The following FGGY variants were observed in gnomAD, a reference collection of about 807,000 sequenced individuals.
FGGY encodes the protein FGGY carbohydrate kinase domain-containing protein.
A neutral mutation model predicts 71.3 loss-of-function variants in FGGY; 72 were observed. The ratio of observed to expected loss-of-function variants is 1.01; its 90% CI spans 0.84 to 1.23. The LOEUF (loss-of-function observed/expected upper bound fraction) is 1.23. Among genes scored for constraint, FGGY ranks in the 50% most tolerant of loss-of-function variants. FGGY has a pLI of 0.00. For missense variants in FGGY, 668 were observed against 682.3 expected, an observed-to-expected ratio of 0.98 and a Z score of 0.23; for synonymous variants, 251 against 250.3, an observed-to-expected ratio of 1.00 and a Z score of -0.02.
At chr1:59,744,685 A>T (rs2098180171) in intron 14 of FGGY, among the ~76,000 whole-genome samples, 1 of 152,250 alleles carries the variant, frequency 6.6e-6, no homozygotes, top group Non-Finnish European at 1.5e-5. Context: ...CTTTATACAG[A>T]TATCCTGGAT....
intron 13 of FGGY, among the ~76,000 whole-genome samples, chr1:59,668,843 T>C (rs1467873294): frequency 6.6e-6 from 1 of 151,240 alleles, no homozygotes. Flanking sequence ...AAAAAAAAAT[T>C]AGCCAGGCGT....
chr1:59,313,952 C>T (rs534279798), intron 1 of FGGY, among the ~76,000 whole-genome samples: 17 of 152,016 alleles, frequency 1.1e-4, no homozygotes, highest in African/African-American at 1.9e-4. Flanking sequence ...CAAAAACCTA[C>T]GGAAATTTTT....
intron 1 of FGGY, among the ~76,000 whole-genome samples, chr1:59,304,025 T>C (rs2043115965): frequency 6.6e-6 from 1 of 152,160 alleles, no homozygotes; most frequent in African/African-American, 2.4e-5. Flanking sequence ...AAATATTTTC[T>C]CTTTTAGAGG....
chr1:59,738,412 A>G (rs1263203617), intron 14 of FGGY, among the ~76,000 whole-genome samples: 2 of 152,250 alleles, frequency 1.3e-5, no homozygotes, highest in African/African-American at 4.8e-5. Flanking sequence ...ATGGCAAACA[A>G]GAATTGGAAT....
At chr1:59,319,666 C>A (rs1031829881) in intron 1 of FGGY, among the ~76,000 whole-genome samples, 7 of 152,144 alleles carry the variant, frequency 4.6e-5, no homozygotes, top group African/African-American at 1.7e-4. Context: ...CCTTTAGCAG[C>A]TGGGGGCAAT....
intron 6 of FGGY, among the ~76,000 whole-genome samples, chr1:59,511,466 G>A (rs973816563): frequency 2.6e-5 from 4 of 151,142 alleles, no homozygotes; most frequent in East Asian, 3.9e-4. Flanking sequence ...GAGAGGGCTC[G>A]GGCTCTGTTT....
intron 14 of FGGY, among the ~76,000 whole-genome samples, chr1:59,695,242 C>T (rs568335790): frequency 2.0e-5 from 3 of 152,242 alleles, no homozygotes; most frequent in African/African-American, 7.2e-5. Context: ...GAAAAGTTGC[C>T]CACTAATTTT....
chr1:59,388,153 G>T (rs1355482494), intron 5 of FGGY, among the ~76,000 whole-genome samples: 1 of 151,936 alleles, frequency 6.6e-6, no homozygotes, highest in Non-Finnish European at 1.5e-5. Context: ...AGGAGTTGGG[G>T]CAGGAAGGAA....
chr1:59,559,304 A>G (rs1042449431), intron 8 of FGGY, among the ~76,000 whole-genome samples: 1 of 152,172 alleles, frequency 6.6e-6, no homozygotes, highest in African/African-American at 2.4e-5. Context: ...TAAAAGTATT[A>G]TTTGGGAACT....
chr1:59,653,331 G>T (rs1288461574), intron 11 of FGGY, among the ~76,000 whole-genome samples: 1 of 152,238 alleles, frequency 6.6e-6, no homozygotes, highest in East Asian at 1.9e-4. Flanking sequence ...CCTGGGCAAT[G>T]GCGGGCGCCC....
At chr1:59,458,259 A>G (rs926786673) in intron 6 of FGGY, among the ~76,000 whole-genome samples, 1 of 152,190 alleles carries the variant, frequency 6.6e-6, no homozygotes, top group African/African-American at 2.4e-5. Flanking sequence ...GATTACCTGT[A>G]TATGTGTCTT....
At chr1:59,450,541 G>A (rs1044507286) in intron 5 of FGGY, among the ~76,000 whole-genome samples, 7 of 152,116 alleles carry the variant, frequency 4.6e-5, no homozygotes, top group Admixed American at 2.0e-4. Context: ...ACAGAATTGA[G>A]TTTGTTGATT....
intron 8 of FGGY, among the ~76,000 whole-genome samples, chr1:59,576,667 CAGACAG>C (rs1238578186): frequency 2.9e-5 from 4 of 137,848 alleles, no homozygotes; most frequent in African/African-American, 1.1e-4. Flanking sequence ...GACAGACAGA[CAGACAG>C]ACAGACACAC....
At chr1:59,590,660 G>T (rs1267427453) in intron 8 of FGGY, among the ~76,000 whole-genome samples, 1 of 152,116 alleles carries the variant, frequency 6.6e-6, no homozygotes, top group East Asian at 1.9e-4. Context: ...ATGTAATCCA[G>T]CATATAAACA....
intron 1 of FGGY, among the ~76,000 whole-genome samples, chr1:59,301,792 C>A (rs986147657): frequency 2.8e-5 from 4 of 140,972 alleles, no homozygotes; most frequent in African/African-American, 1.1e-4. Flanking sequence ...CGGCTCACTG[C>A]AACCTCCACC....
intron 8 of FGGY, among the ~76,000 whole-genome samples, chr1:59,563,147 G>C (rs1571317744): frequency 6.6e-6 from 1 of 152,156 alleles, no homozygotes; most frequent in Non-Finnish European, 1.5e-5. Flanking sequence ...AATAGGAGTG[G>C]TGAGAGAGGG....
chr1:59,592,516 C>T (rs1352919213), intron 8 of FGGY, among the ~76,000 whole-genome samples: 1 of 152,082 alleles, frequency 6.6e-6, no homozygotes, highest in Non-Finnish European at 1.5e-5. Flanking sequence ...TTCACAATAG[C>T]AAAGACTTGG....
At chr1:59,397,778 T>G (rs557744681) in intron 5 of FGGY, among the ~76,000 whole-genome samples, 1 of 152,298 alleles carries the variant, frequency 6.6e-6, no homozygotes, top group Admixed American at 6.5e-5. Flanking sequence ...GGGACAGCAT[T>G]TTTACTTTTT....
chr1:59,590,475 G>C (rs1227400495), intron 8 of FGGY, among the ~76,000 whole-genome samples: 1 of 152,100 alleles, frequency 6.6e-6, no homozygotes, highest in Non-Finnish European at 1.5e-5. Context: ...GCCTGGCAGA[G>C]ACACAACCAA....
Sources: gnomAD v4.1 joint callset for allele counts (sites outside exome capture counted in the v4.1 genomes callset) on GRCh38, gnomAD v4.1.1 for gene constraint, MANE v1.5 for transcripts, NCBI Gene and HGNC (gene_info 2026-07-23, HGNC 2026-07-21) for gene names.